Variants in DNAH17 observed in about 807,000 individuals in gnomAD.
The protein encoded by DNAH17 is dynein axonemal heavy chain 17, also known as axonemal beta dynein heavy chain 17.
DNAH17 carries 376 observed loss-of-function variants against 485.6 expected under a neutral mutation model. That is an observed-to-expected ratio of 0.77 (90% CI 0.71 to 0.84). The LOEUF is 0.84. DNAH17 is among the 40% of genes least tolerant of loss of function. DNAH17 has a pLI of 0.00. For missense variants in DNAH17, 6,370 were observed against 5,839.3 expected (o/e 1.09, Z -2.96); for synonymous variants, 3,031 against 2,405.9 (o/e 1.26, Z -7.60).
In DNAH17 at chr17:78,428,695, A is replaced by G; in HGVS notation, c.12418T>C (p.Tyr4140His). 6.2e-7 allele frequency: 1 copy of G among 1,613,708 alleles called. No individual in the cohort carries two copies. The highest frequency in any genetic ancestry group is 1.1e-5 in the South Asian group (1 of 91,066). The change falls in exon 77 of 81, where the codon TAC (tyrosine) becomes CAC (histidine). Residue 4140 changes from tyrosine (Y) to histidine (H), a missense_variant. Tyr to His is a moderately conservative substitution (Grantham distance 83, BLOSUM62 2). Transcript: ENST00000389840. ...TCAGGGGGCAGGTTCTCATCGATGT[A>G]TTCGTGGTAACCCTGAAAAAGAGGG... is the stretch of plus-strand genomic sequence containing the variant. ...PNLDYKGYHE[Y>H]IDENLPPESP...
chr17:78,561,682 G>C lies in DNAH17; in HGVS notation c.1835+33C>G. Reference sequence around the variant, plus strand: ...CTCGCTCTCCCGCACCATGGAGGCGGGGTGCCTGCCCCTGCCCAGGGCTGT... The same window carrying C: ...CTCGCTCTCCCGCACCATGGAGGCGCGGTGCCTGCCCCTGCCCAGGGCTGT... On this transcript the variant is annotated intron_variant, in intron 12 of 80. Transcript: ENST00000389840. The C allele has an allele frequency of 2.5e-6, 4 of 1,571,402 alleles. No individual in the cohort carries two copies. In the South Asian group the frequency reaches 4.8e-5, roughly 19 times the overall value.
chr17:78,574,349 G>A (rs926656680), intron 2 of DNAH17, among the ~76,000 whole-genome samples: 4 of 152,022 alleles, frequency 2.6e-5, no homozygotes, highest in South Asian at 4.1e-4. Context: ...CAAAAAATAC[G>A]AAAATTAGCC....
intron 48 of DNAH17, among the ~76,000 whole-genome samples, chr17:78,484,449 C>T (rs12942000): frequency 0.45 from 68,513 of 151,912 alleles, 16,604 homozygotes; most frequent in Admixed American, 0.59. Context: ...TCTGCTGGGG[C>T]TCCCAGCTGG....
rs750490231 is a variant in DNAH17, at chr17:78,507,576, C to T, written c.4466G>A (p.Trp1489Ter). The T allele has an allele frequency of 5.0e-6, 8 of 1,614,162 alleles. No individual in the cohort carries two copies. The South Asian group carries it at 8.8e-5, about 18-fold the overall frequency. Residue 1489 changes from tryptophan (W) to a stop codon, truncating the protein, a stop_gained, in exon 28 of 81, where the codon TGG (tryptophan) becomes TAG (stop). Transcript: ENST00000389840. LOFTEE classifies it high-confidence loss of function. Reference sequence around the variant, plus strand: ...GCTCCAGGTTCGCTGGACCTCAAACCAGATGGAGATGACGGAGTCCGCCGT... The same window carrying T: ...GCTCCAGGTTCGCTGGACCTCAAACTAGATGGAGATGACGGAGTCCGCCGT... ...LSTADSVISI[W>*]FEVQRTWSHL...
rs949498761 is a variant in DNAH17 at position 78,451,327 on chromosome 17, C to A, written c.10734+142G>T. On this transcript the variant is annotated intron_variant, in intron 66 of 80. Transcript: ENST00000389840. The stretch of plus-strand genomic sequence containing the variant: ...CCTGTCGTATGAGAAGCTGTGATGC[C>A]GTGGGACACACTGAGGCACCTTCAG... 1.2e-5 allele frequency: 8 copies of A among 684,782 alleles called. No homozygotes were observed. The East Asian group carries it at 2.3e-4, about 19-fold the overall frequency. 42.4% of individuals were successfully genotyped at this position (684,782 alleles called of 1,614,324 possible). A position where few individuals can be genotyped will look rare whatever the true frequency, so the allele number is the denominator to read the frequency against.
chr17:78,488,689 G>C (rs2089718712), intron 44 of DNAH17, among the ~76,000 whole-genome samples: 1 of 152,170 alleles, frequency 6.6e-6, no homozygotes, highest in African/African-American at 2.4e-5. Flanking sequence ...GCCCTGATTT[G>C]GAGAAAGGGC....
At position 78,529,315 on chromosome 17, in the gene DNAH17, TCCTCCCTGCA is replaced by T. The variant is rs1388663607; in HGVS notation, c.3507+147_3507+156del. ...CAGGGTCTCCTGTCCCCCAGAAACC[TCCTCCCTGCA>T]CCTCCCTGTTCCATGGGGATCTGAT... is the stretch of plus-strand genomic sequence containing the variant. On this transcript the variant is annotated intron_variant, in intron 22 of 80. Coordinates refer to ENST00000389840, the MANE Select transcript of DNAH17 (RefSeq NM_173628.4). Among the ~76,000 whole-genome samples, 5 of 151,950 alleles carry T rather than the reference TCCTCCCTGCA, an allele frequency of 3.3e-5. No homozygotes were observed. In the East Asian group the frequency reaches 7.7e-4, roughly 24 times the overall value.
Position 78,572,885 on chromosome 17 carries a change from A to G in DNAH17, c.355T>C (p.Ser119Pro), listed in dbSNP as rs751432989. The change falls in exon 3 of 81, where the codon TCT becomes CCT. Residue 119 changes from serine (S) to proline (P), a missense_variant. By Grantham distance (74) the Ser-to-Pro change is moderately conservative. Transcript: ENST00000389840. Reference sequence around the variant, plus strand: ...ATGTTCTCACTTTGGTTTAACAGAGAAGAGAGGACCTAAAAGGAAACACTT... The same window carrying G: ...ATGTTCTCACTTTGGTTTAACAGAGGAGAGAGGACCTAAAAGGAAACACTT... The part of the protein sequence containing the change: ...LIAVVEEVLS[S>P]LLNQSENMAG... The G allele has an allele frequency of 6.8e-6, 11 of 1,613,514 alleles. No homozygotes were observed. Among genetic ancestry groups the G allele is most frequent in the South Asian group, 2.2e-5 (2 of 90,988 alleles).
At chr17:78,439,244 A>G in intron 72 of DNAH17, 27 bp from the exon 73 acceptor site, 1 of 1,592,070 alleles carries the variant, frequency 6.3e-7, no homozygotes, top group Non-Finnish European at 8.5e-7. Context: ...CAGGAAAAAA[A>G]CACCACGTAA....
rs1234415913 is a variant in DNAH17, at chr17:78,516,711, A to G, written c.3865-1689T>C. Among the ~76,000 whole-genome samples the G allele has an allele frequency of 1.1e-3, 165 of 149,114 alleles. 1 individual carries two copies. The highest frequency in any genetic ancestry group is 2.9e-3 in the African/African-American group (117 of 40,790). ...TCTCAGAAAAAAAAAAAAAAAAAAA[A>G]AGAGAGAGAGACAGACTCAAAATCA... On this transcript the variant is annotated intron_variant, in intron 25 of 80. Transcript: ENST00000389840.
intron 80 of DNAH17, 53 bp downstream of exon 80, chr17:78,425,293 G>T: frequency 6.5e-7 from 1 of 1,550,204 alleles, no homozygotes. Context: ...TCTTGTCTTG[G>T]CAAGTAGCAC....
chr17:78,498,730 GTCTT>G (rs2090166530), intron 37 of DNAH17: 1 of 271,592 alleles, frequency 3.7e-6, no homozygotes, highest in Admixed American at 5.4e-5. Context: ...AAAGCACTTT[GTCTT>G]TCTTTCCTAA....
In DNAH17 at chr17:78,425,756, C is replaced by CTTTTTTTTT. The variant is rs71160294; in HGVS notation, c.12916-194_12916-186dup. On this transcript the variant is annotated intron_variant, in intron 79 of 80. Transcript: ENST00000389840. ...TACCATGACGCAACTTTGGTGTCTGCTTTTTTTTTTTTTTTTTTTTTTTTT... is the reference window on the plus strand; with the variant it reads ...TACCATGACGCAACTTTGGTGTCTGCTTTTTTTTTTTTTTTTTTTTTTTTTTTTTTTTTT... Among the ~76,000 whole-genome samples, 291 of 120,682 alleles carry CTTTTTTTTT rather than the reference C, an allele frequency of 2.4e-3. 34 individuals carry two copies. The highest frequency in any genetic ancestry group is 0.01 in the African/African-American group (264 of 26,180). 79.2% of individuals were successfully genotyped at this position (120,682 alleles called of 152,430 possible). A position where few individuals can be genotyped will look rare whatever the true frequency, so the allele number is the denominator to read the frequency against.
intron 69 of DNAH17, 114 bp downstream of exon 69, chr17:78,449,300 G>A: frequency 4.4e-6 from 5 of 1,145,088 alleles, no homozygotes; most frequent in Non-Finnish European, 6.2e-6. Context: ...ATGCGGGTTT[G>A]AAATCACCAG....
intron 11 of DNAH17, among the ~76,000 whole-genome samples, chr17:78,562,850 G>A (rs770386974): frequency 6.6e-6 from 1 of 152,214 alleles, no homozygotes; most frequent in East Asian, 1.9e-4. Flanking sequence ...GTCAGACCAA[G>A]TGGGAGGGGG....
intron 20 of DNAH17, among the ~76,000 whole-genome samples, chr17:78,531,217 T>C (rs995915183): frequency 6.6e-6 from 1 of 152,180 alleles, no homozygotes; most frequent in Non-Finnish European, 1.5e-5. Context: ...TATATCTGGG[T>C]GCTCTGGTGC....
Position 78,424,173 on chromosome 17 carries a change from G to C in DNAH17, c.13142-20C>G, listed in dbSNP as rs777742126. ...GAGCCCCTGCAGGGACAGTATGGCT[G>C]AGGGTCAGGTGTGCTGCCAGTAAGT... On this transcript the variant is annotated intron_variant, in intron 80 of 80. Coordinates refer to ENST00000389840, the MANE Select transcript of DNAH17 (RefSeq NM_173628.4). The C allele has an allele frequency of 6.3e-7, 1 of 1,597,398 alleles. No individual in the cohort carries two copies. Among genetic ancestry groups the C allele is most frequent in the African/African-American group, 1.3e-5 (1 of 74,894 alleles).
At chr17:78,439,916 T>C (rs944775913) in intron 72 of DNAH17, among the ~76,000 whole-genome samples, 2 of 152,054 alleles carry the variant, frequency 1.3e-5, no homozygotes, top group Non-Finnish European at 2.9e-5. Context: ...GCGATCCACC[T>C]GCCTTGGCCT....
chr17:78,456,012 C>T (rs1029518878), intron 62 of DNAH17, among the ~76,000 whole-genome samples, 176 bp from the exon 63 acceptor site: 15 of 152,234 alleles, frequency 9.9e-5, no homozygotes, highest in Admixed American at 2.0e-4. Context: ...CCGAATCATG[C>T]TTTGTGGCCG....
Sources: allele counts gnomAD v4.1 joint callset (sites outside exome capture counted in the v4.1 genomes callset), GRCh38; gene constraint gnomAD v4.1.1; transcripts MANE v1.5; gene names NCBI Gene and HGNC (gene_info 2026-07-23, HGNC 2026-07-21).